The following LCK variants were observed in gnomAD, a reference collection of about 807,000 sequenced individuals.
LCK encodes LCK proto-oncogene, Src family tyrosine kinase.
In LCK, 14 loss-of-function variants were observed where a neutral mutation model predicts 64.6. The observed-to-expected ratio is 0.22, with a 90% CI of 0.14 to 0.34. The LOEUF (loss-of-function observed/expected upper bound fraction) is 0.34, where lower values mean the gene tolerates loss of function less well. Ranked by LOEUF, LCK falls within the 10% of genes least tolerant of loss-of-function variation. LCK has a pLI of 1.00. For missense variants in LCK, 434 were observed against 668.1 expected (o/e 0.65, Z 3.86); for synonymous variants, 277 against 263.6 (o/e 1.05, Z -0.49).
chr1:32,255,306 T>C (rs142588342), intron 1 of LCK, among the ~76,000 whole-genome samples: 46 of 152,340 alleles, frequency 3.0e-4, no homozygotes, highest in Non-Finnish European at 6.3e-4. Flanking sequence ...TAGCACTTCA[T>C]AGGATTATTA....
In LCK at chr1:32,275,528, G is replaced by C; in HGVS notation, c.378-41G>C. 6.5e-7 allele frequency: 1 copy of C among 1,548,498 alleles called. No homozygotes were observed. The stretch of plus-strand genomic sequence containing the variant: ...GCTTGAGGGCCACGGAGGAAGATCC[G>C]ACGACAGCCGACGGCCTTCGTTCGC... On this transcript the variant is annotated intron_variant, in intron 5 of 12. Transcript: ENST00000336890. This position sits in a 1 kb window ranked among gnomAD's most constrained non-coding sequence, Gnocchi z 6.9.
intron 9 of LCK, chr1:32,279,458 G>A: frequency 1.3e-6 from 1 of 750,966 alleles, no homozygotes; most frequent in South Asian, 1.9e-5. Context: ...AAAACCTACA[G>A]ATCCCTCCCA....
At position 32,276,229 on chromosome 1, in the gene LCK, C is replaced by T; in HGVS notation, c.632-108C>T. On this transcript the variant is annotated intron_variant, in intron 7 of 12. Transcript: ENST00000336890. This position sits in a 1 kb window ranked among gnomAD's most constrained non-coding sequence, Gnocchi z 4.6. ...AGTGTTTGGGTGACAGCCCCACACC[C>T]CCTTGCTAGTCCACTTCACCTAGAT... The T allele has an allele frequency of 6.1e-6, 9 of 1,473,942 alleles. No individual in the cohort carries two copies. Among genetic ancestry groups the T allele is most frequent in the Non-Finnish European group, 8.2e-6 (9 of 1,102,628 alleles). 91.3% of individuals were successfully genotyped at this position (1,473,942 alleles called of 1,614,324 possible).
At chr1:32,253,945 A>G (rs1420644067) in intron 1 of LCK, among the ~76,000 whole-genome samples, 1 of 152,130 alleles carries the variant, frequency 6.6e-6, no homozygotes, top group Non-Finnish European at 1.5e-5. Context: ...GGCAGGGGCT[A>G]CACATAAAAC....
chr1:32,274,170 C>T lies in LCK; in HGVS notation c.-5-155C>T, dbSNP rs11576026. The T allele has an allele frequency of 4.0e-4, 586 of 1,465,662 alleles. 1 individual carries two copies. The highest frequency in any genetic ancestry group is 1.2e-3 in the Middle Eastern group (7 of 5,646). 90.8% of individuals were successfully genotyped at this position (1,465,662 alleles called of 1,614,324 possible). ...GAGCACCGGTTTGGAGCTGGGACCCCCTATTTTAGCTTTTCTGTGGCTGGT... is the reference window on the plus strand; with the variant it reads ...GAGCACCGGTTTGGAGCTGGGACCCTCTATTTTAGCTTTTCTGTGGCTGGT... On this transcript the variant is annotated intron_variant, in intron 1 of 12. Transcript: ENST00000336890.
chr1:32,270,250 C>CT (rs1195979098), intron 1 of LCK, among the ~76,000 whole-genome samples: 4,903 of 126,640 alleles, frequency 0.039, 198 homozygotes, highest in African/African-American at 0.097. Context: ...GCCCAGCTAA[C>CT]TTTTTTTTTT....
In LCK at chr1:32,276,291, G is replaced by C. The variant is rs181114741; in HGVS notation, c.632-46G>C. 3.7e-5 allele frequency: 56 copies of C among 1,526,216 alleles called. No homozygotes were observed. The East Asian group carries it at 1.2e-3, about 31-fold the overall frequency. The allele number at this position is 1,526,216 out of a possible 1,614,324, so 94.5% of individuals were successfully genotyped here. A position where few individuals can be genotyped will look rare whatever the true frequency, so the allele number is the denominator to read the frequency against. On this transcript the variant is annotated intron_variant, in intron 7 of 12. Coordinates refer to ENST00000336890, the MANE Select transcript of LCK (RefSeq NM_005356.5). This position sits in a 1 kb window ranked among gnomAD's most constrained non-coding sequence, Gnocchi z 4.6. Reference sequence around the variant, plus strand: ...GAAGTGGGGGAGGTGGTGTCAATACGAGGCCTGCCCTATTGACAGCCTTCA... The same window carrying C: ...GAAGTGGGGGAGGTGGTGTCAATACCAGGCCTGCCCTATTGACAGCCTTCA...
Position 32,286,012 on chromosome 1 carries a change from G to A in LCK, c.*296G>A, listed in dbSNP as rs1280249064. The stretch of plus-strand genomic sequence containing the variant: ...AGAGAGAGGGGAGAAGCCTGGGATT[G>A]ACAGAAGCTTCTGCCCACCTACTTT... On this transcript the variant is annotated 3_prime_UTR_variant, in exon 13 of 13. Coordinates refer to ENST00000336890, the MANE Select transcript of LCK (RefSeq NM_005356.5). The A allele has an allele frequency of 2.2e-6, 1 of 445,772 alleles. No homozygotes were observed. Among genetic ancestry groups the A allele is most frequent in the African/African-American group, 1.9e-5 (1 of 51,880 alleles). The allele number at this position is 445,772 out of a possible 1,614,324, so 27.6% of individuals were successfully genotyped here.
Position 32,282,487 on chromosome 1 carries a change from T to C in LCK, c.1327+2277T>C, listed in dbSNP as rs1326116046. Among the ~76,000 whole-genome samples the C allele has an allele frequency of 2.6e-5, 4 of 152,304 alleles. No individual in the cohort carries two copies. In the East Asian group the frequency reaches 7.7e-4, roughly 29 times the overall value. On this transcript the variant is annotated intron_variant, in intron 12 of 12. Coordinates refer to ENST00000336890, the MANE Select transcript of LCK (RefSeq NM_005356.5). ...AGGAAAATCTGTTCATTTCCATTTA[T>C]TGGCGATTGATTCAAATTGTTTAAA...
At chr1:32,258,112 G>A (rs925062989) in intron 1 of LCK, among the ~76,000 whole-genome samples, 5 of 151,498 alleles carry the variant, frequency 3.3e-5, no homozygotes, top group African/African-American at 9.7e-5. Flanking sequence ...GGCAGACCCC[G>A]TCTCTACAAA....
chr1:32,263,397 TAAATA>T (rs1426153788), intron 1 of LCK, among the ~76,000 whole-genome samples: 21 of 131,240 alleles, frequency 1.6e-4, no homozygotes, highest in African/African-American at 6.4e-4. Flanking sequence ...CGTCTCAAAA[TAAATA>T]AAATAAATAA....
At chr1:32,272,992 G>A (rs1477950041) in intron 1 of LCK, among the ~76,000 whole-genome samples, 1 of 148,828 alleles carries the variant, frequency 6.7e-6, no homozygotes, top group Non-Finnish European at 1.5e-5. Flanking sequence ...GGGGGTGAAT[G>A]CGTGTGTGTG....
Position 32,275,797 on chromosome 1 carries a change from T to TG in LCK, c.482-112dup. The TG allele has an allele frequency of 8.7e-7, 1 of 1,149,404 alleles. No individual in the cohort carries two copies. The highest frequency in any genetic ancestry group is 3.0e-5 in the East Asian group (1 of 33,486). The allele number at this position is 1,149,404 out of a possible 1,614,324, so 71.2% of individuals were successfully genotyped here. A position where few individuals can be genotyped will look rare whatever the true frequency, so the allele number is the denominator to read the frequency against. On this transcript the variant is annotated intron_variant, in intron 6 of 12. Coordinates refer to ENST00000336890, the MANE Select transcript of LCK (RefSeq NM_005356.5). This position sits in a 1 kb window ranked among gnomAD's most constrained non-coding sequence, Gnocchi z 6.9. ...AGGGGGACGCGGGATGAGCCCGAGG[T>TG]GGGGGCGCGGGATGACCCGGAGTTG...
At chr1:32,260,311 T>TTTTATTTTTATTTTTA (rs1489470344) in intron 1 of LCK, among the ~76,000 whole-genome samples, 3 of 152,120 alleles carry the variant, frequency 2.0e-5, no homozygotes, top group Non-Finnish European at 1.5e-5. Flanking sequence ...GCGCCTGGCC[T>TTTTATTTTTATTTTTA]TTTATTTTTA....
intron 1 of LCK, among the ~76,000 whole-genome samples, chr1:32,257,820 A>G (rs1639665998): frequency 6.6e-6 from 1 of 152,158 alleles, no homozygotes; most frequent in Admixed American, 6.6e-5. Flanking sequence ...CTAAAATACC[A>G]ATTAGAATAA....
chr1:32,282,901 T>C (rs1282739387), intron 12 of LCK, among the ~76,000 whole-genome samples: 4 of 152,170 alleles, frequency 2.6e-5, no homozygotes, highest in Non-Finnish European at 5.9e-5. Context: ...CTGTGGGCTA[T>C]ACTCAGGCTG....
intron 1 of LCK, among the ~76,000 whole-genome samples, chr1:32,257,638 C>A (rs1299827761): frequency 2.0e-5 from 3 of 152,092 alleles, no homozygotes; most frequent in Admixed American, 6.6e-5. Flanking sequence ...GCTTCCAGAG[C>A]TGCCAGACTC....
Position 32,275,480 on chromosome 1 carries a change from G to A in LCK, c.377+61G>A, listed in dbSNP as rs1437050159. The A allele has an allele frequency of 1.9e-6, 3 of 1,584,760 alleles. No individual in the cohort carries two copies. Among genetic ancestry groups the A allele is most frequent in the Non-Finnish European group, 2.6e-6 (3 of 1,159,050 alleles). Reference sequence around the variant, plus strand: ...AGATCTAGGGATCCTGGAGCAGGGAGTAGGCCTGGGGTGGCGGTGAAGGCT... The same window carrying A: ...AGATCTAGGGATCCTGGAGCAGGGAATAGGCCTGGGGTGGCGGTGAAGGCT... On this transcript the variant is annotated intron_variant, in intron 5 of 12. Coordinates refer to ENST00000336890, the MANE Select transcript of LCK (RefSeq NM_005356.5). The surrounding 1 kb of genome is among the most constrained non-coding windows in gnomAD (Gnocchi z 6.9).
In LCK at chr1:32,276,299, C is replaced by A. The variant is rs1251883142; in HGVS notation, c.632-38C>A. 6.5e-7 allele frequency: 1 copy of A among 1,531,580 alleles called. No homozygotes were observed. Among genetic ancestry groups the A allele is most frequent in the East Asian group, 2.3e-5 (1 of 44,234 alleles). 94.9% of individuals were successfully genotyped at this position (1,531,580 alleles called of 1,614,324 possible). A position where few individuals can be genotyped will look rare whatever the true frequency, so the allele number is the denominator to read the frequency against. On this transcript the variant is annotated intron_variant, in intron 7 of 12. Transcript: ENST00000336890. This position sits in a 1 kb window ranked among gnomAD's most constrained non-coding sequence, Gnocchi z 4.6. Reference sequence around the variant, plus strand: ...GGAGGTGGTGTCAATACGAGGCCTGCCCTATTGACAGCCTTCACCCCTCCC... The same window carrying A: ...GGAGGTGGTGTCAATACGAGGCCTGACCTATTGACAGCCTTCACCCCTCCC...
Sources: allele counts gnomAD v4.1 joint callset (sites outside exome capture counted in the v4.1 genomes callset), GRCh38; gene constraint gnomAD v4.1.1; non-coding constraint Gnocchi (gnomAD v3.1); transcripts MANE v1.5; gene names NCBI Gene and HGNC (gene_info 2026-07-23, HGNC 2026-07-21).